Variants in CUX1 observed in about 807,000 individuals in gnomAD.
The protein encoded by CUX1 is protein CASP.
In CUX1, 31 loss-of-function variants were observed where a neutral mutation model predicts 158.8. That is an observed-to-expected ratio of 0.20 (90% CI 0.15 to 0.26). CUX1 has a LOEUF of 0.26. Among genes scored for constraint, CUX1 ranks in the 10% least tolerant of loss-of-function variants. CUX1 has a pLI of 1.00. For synonymous variants in CUX1, 879 were observed against 862.1 expected (o/e 1.02, Z -0.34); for missense variants, 1,589 against 2,014.6 (o/e 0.79, Z 4.04).
chr7:102,196,348 C>T (rs1357384724), intron 14 of CUX1, among the ~76,000 whole-genome samples: 2 of 152,196 alleles, frequency 1.3e-5, no homozygotes, highest in Admixed American at 6.5e-5. Flanking sequence ...TCACCAGCTC[C>T]TTGTCACGCT....
intron 20 of CUX1, among the ~76,000 whole-genome samples, chr7:102,220,729 C>T (rs868934098): frequency 7.0e-4 from 107 of 152,316 alleles, no homozygotes; most frequent in African/African-American, 2.3e-3. Context: ...AGGCCCATCC[C>T]TCCCTCGGGC....
chr7:102,112,119 A>C (rs565540911), intron 7 of CUX1: 4 of 185,124 alleles, frequency 2.2e-5, no homozygotes, highest in Non-Finnish European at 3.3e-5. Context: ...AAAAAAAAAA[A>C]AACTCACTTC....
At chr7:102,178,325 CA>C in intron 10 of CUX1, 143 bp from the exon 11 acceptor site, 1 of 800,202 alleles carries the variant, frequency 1.2e-6, no homozygotes. Context: ...AGGGGAAGTG[CA>C]AGCAAGGGCA....
chr7:102,189,827 A>C lies in CUX1; in HGVS notation c.1032A>C (p.Lys344Asn), dbSNP rs1554516459. The C allele has an allele frequency of 2.5e-6, 4 of 1,614,248 alleles. No individual in the cohort carries two copies. Among genetic ancestry groups the C allele is most frequent in the Non-Finnish European group, 3.4e-6 (4 of 1,180,032 alleles). The change falls in exon 12 of 24, where the codon AAA (lysine) becomes AAC (asparagine). Residue 344 changes from lysine (K) to asparagine (N), a missense_variant. Coordinates refer to ENST00000292535, the MANE Select transcript of CUX1 (RefSeq NM_181552.4). ...KNSTLKQLEE[K>N]LKGQADYEEV... is the part of the protein sequence containing the mutation. ...TCTGTTTTCAGCAACTGGAAGAAAA[A>C]CTCAAAGGCCAGGCTGACTATGAAG... is the stretch of plus-strand genomic sequence containing the variant.
chr7:102,137,002 C>G (rs1243173563), intron 8 of CUX1, among the ~76,000 whole-genome samples: 3 of 152,142 alleles, frequency 2.0e-5, no homozygotes, highest in Non-Finnish European at 4.4e-5. Context: ...CCCATTTGCT[C>G]AAGTGAATCC....
At chr7:101,920,825 C>T (rs2129095222) in intron 2 of CUX1, among the ~76,000 whole-genome samples, 1 of 152,212 alleles carries the variant, frequency 6.6e-6, no homozygotes, top group Admixed American at 6.5e-5. Flanking sequence ...ACATAATAGG[C>T]GGTGGAGTGT....
At chr7:102,108,735 T>TG (rs57854124) in intron 6 of CUX1, among the ~76,000 whole-genome samples, 2,237 of 133,976 alleles carry the variant, frequency 0.017, 45 homozygotes, top group African/African-American at 0.062. Flanking sequence ...CTTCATTCAT[T>TG]TTGTGTGTGT....
chr7:101,883,361 TA>T (rs1327080121), intron 1 of CUX1, among the ~76,000 whole-genome samples: 1 of 152,184 alleles, frequency 6.6e-6, no homozygotes, highest in East Asian at 1.9e-4. Flanking sequence ...TAGCATGAGA[TA>T]GTAATTGTTG....
At chr7:102,051,561 A>G (rs1031125937) in intron 3 of CUX1, among the ~76,000 whole-genome samples, 4 of 151,798 alleles carry the variant, frequency 2.6e-5, no homozygotes, top group African/African-American at 9.7e-5. Flanking sequence ...AATCAGAGGC[A>G]GCAGAATCGT....
At chr7:101,905,861 A>T (rs1802693127) in intron 1 of CUX1, among the ~76,000 whole-genome samples, 1 of 151,586 alleles carries the variant, frequency 6.6e-6, no homozygotes, top group South Asian at 2.1e-4. Context: ...CTTTCTTTTT[A>T]TTTTTTTAAT....
At chr7:101,848,064 AAAAAAAAAAAAG>A (rs1795886195) in intron 1 of CUX1, among the ~76,000 whole-genome samples, 1 of 151,484 alleles carries the variant, frequency 6.6e-6, no homozygotes, top group Non-Finnish European at 1.5e-5. Context: ...AAAAAAAAAA[AAAAAAAAAAAAG>A]AAAAGAAAAA....
chr7:102,140,878 A>C (rs1429699314), intron 8 of CUX1, among the ~76,000 whole-genome samples: 2 of 151,972 alleles, frequency 1.3e-5, no homozygotes, highest in Non-Finnish European at 2.9e-5. Context: ...AAAAAAAAAA[A>C]ACAGCATTAC....
chr7:102,139,322 T>A (rs1458042942), intron 8 of CUX1, among the ~76,000 whole-genome samples: 1 of 150,280 alleles, frequency 6.7e-6, no homozygotes, highest in African/African-American at 2.5e-5. Flanking sequence ...ACCTGGGAAG[T>A]GCCCTACCCT....
At chr7:102,188,703 G>GT (rs1212084606) in intron 11 of CUX1, 1 of 151,984 alleles carries the variant, frequency 6.6e-6, no homozygotes, top group African/African-American at 2.4e-5. Context: ...TCAGCTACTG[G>GT]GGAGGCTAAG....
intron 2 of CUX1, among the ~76,000 whole-genome samples, chr7:101,993,673 C>T (rs902434600): frequency 3.3e-5 from 5 of 152,364 alleles, no homozygotes; most frequent in Admixed American, 1.3e-4. Flanking sequence ...GTGGCCCCCA[C>T]GGGTTTCTTA....
chr7:101,970,677 C>T (rs1329410727), intron 2 of CUX1, among the ~76,000 whole-genome samples: 2 of 152,022 alleles, frequency 1.3e-5, no homozygotes, highest in Non-Finnish European at 2.9e-5. Flanking sequence ...TGCCTCAGCC[C>T]CTCGAGTAGC....
chr7:101,994,005 C>A (rs202158), intron 2 of CUX1, among the ~76,000 whole-genome samples: 4 of 152,082 alleles, frequency 2.6e-5, no homozygotes, highest in East Asian at 3.9e-4. Context: ...CTCCCAGAGC[C>A]CATCTGTCTC....
intron 8 of CUX1, among the ~76,000 whole-genome samples, chr7:102,132,318 C>T (rs1473608105): frequency 0.1 from 6 of 60 alleles, no homozygotes; most frequent in Admixed American, 0.5. Flanking sequence ...TGCGCGCGCG[C>T]GCGCGCACGC....
chr7:102,123,985 A>G (rs1554494343), intron 8 of CUX1, among the ~76,000 whole-genome samples: 1 of 152,186 alleles, frequency 6.6e-6, no homozygotes, highest in Non-Finnish European at 1.5e-5. Context: ...ATATTCATCC[A>G]GCATCCTTTG....
Sources: allele counts gnomAD v4.1 joint callset (sites outside exome capture counted in the v4.1 genomes callset), GRCh38; gene constraint gnomAD v4.1.1; transcripts MANE v1.5; gene names NCBI Gene and HGNC (gene_info 2026-07-23, HGNC 2026-07-21).